Variants in EPHB1 observed in about 807,000 individuals in gnomAD.
The protein encoded by EPHB1 is EPH receptor B1.
A neutral mutation model predicts 94.4 loss-of-function variants in EPHB1; 30 were observed. That is an observed-to-expected ratio of 0.32 (90% CI 0.24 to 0.43). The LOEUF (loss-of-function observed/expected upper bound fraction) is 0.43, where lower values mean the gene tolerates loss of function less well. Ranked by LOEUF, EPHB1 falls within the 20% of genes least tolerant of loss-of-function variation. EPHB1 has a pLI of 1.00. For synonymous variants in EPHB1, 522 were observed against 489.1 expected (o/e 1.07, Z -0.89); for missense variants, 1,055 against 1,308.3 (o/e 0.81, Z 2.99).
chr3:134,815,788 G>A (rs1211588031), intron 1 of EPHB1, among the ~76,000 whole-genome samples: 1 of 152,142 alleles, frequency 6.6e-6, no homozygotes, highest in Admixed American at 6.5e-5. Context: ...GTTTTGACCT[G>A]GGGACATTTT....
chr3:134,814,728 C>G (rs567427269), intron 1 of EPHB1, among the ~76,000 whole-genome samples: 4 of 152,326 alleles, frequency 2.6e-5, no homozygotes, highest in Non-Finnish European at 5.9e-5. Context: ...AGGGAAGGCT[C>G]TGCATCTTGT....
intron 1 of EPHB1, among the ~76,000 whole-genome samples, chr3:134,804,244 T>C (rs924489311): frequency 2.0e-5 from 3 of 152,014 alleles, no homozygotes; most frequent in Non-Finnish European, 2.9e-5. Context: ...GTGAAAAGCA[T>C]TTCTTATATG....
chr3:135,009,977 A>G (rs1405175152), intron 3 of EPHB1, among the ~76,000 whole-genome samples: 4 of 152,238 alleles, frequency 2.6e-5, no homozygotes, highest in Non-Finnish European at 4.4e-5. Context: ...ATCCAGAGGA[A>G]ATCATTAACA....
At chr3:135,251,479 G>C (rs1285683265) in intron 15 of EPHB1, among the ~76,000 whole-genome samples, 1 of 152,188 alleles carries the variant, frequency 6.6e-6, no homozygotes, top group Non-Finnish European at 1.5e-5. Context: ...AAGATAAGGG[G>C]AAGACCAAAA....
intron 1 of EPHB1, among the ~76,000 whole-genome samples, chr3:134,861,799 T>C (rs1165370382): frequency 6.6e-6 from 1 of 152,014 alleles, no homozygotes; most frequent in Non-Finnish European, 1.5e-5. Flanking sequence ...GGTTGATAGG[T>C]GCAGCAAACC....
chr3:134,805,247 G>A (rs959795336), intron 1 of EPHB1, among the ~76,000 whole-genome samples: 7 of 152,298 alleles, frequency 4.6e-5, no homozygotes, highest in South Asian at 4.1e-4. Context: ...CCCATCCGGG[G>A]ATGCTCTCAG....
intron 4 of EPHB1, among the ~76,000 whole-genome samples, chr3:135,130,456 G>A (rs1197137277): frequency 6.6e-6 from 1 of 152,232 alleles, no homozygotes; most frequent in Admixed American, 6.5e-5. Context: ...AGGAAAGACA[G>A]TAAGTGTAGG....
chr3:135,169,060 C>T (rs1304806443), intron 9 of EPHB1, among the ~76,000 whole-genome samples: 1 of 152,148 alleles, frequency 6.6e-6, no homozygotes, highest in Middle Eastern at 3.2e-3. Flanking sequence ...TTCTCCTGCT[C>T]TCGAGGAGTA....
chr3:134,843,611 T>C (rs1300245950), intron 1 of EPHB1, among the ~76,000 whole-genome samples: 5 of 149,512 alleles, frequency 3.3e-5, no homozygotes, highest in African/African-American at 7.3e-5. Context: ...ATAATTTCCA[T>C]TGATCTATCT....
intron 10 of EPHB1, among the ~76,000 whole-genome samples, chr3:135,180,530 G>A (rs1432716892): frequency 6.6e-6 from 1 of 151,958 alleles, no homozygotes; most frequent in Non-Finnish European, 1.5e-5. Context: ...AAAATCTATG[G>A]TACAGCTGGT....
chr3:134,811,242 G>GTGTTTTTTT (rs750299099), intron 1 of EPHB1, among the ~76,000 whole-genome samples: 1 of 73,850 alleles, frequency 1.4e-5, no homozygotes, highest in Non-Finnish European at 2.7e-5. Context: ...TACTAAGAAG[G>GTGTTTTTTT]TTTTTTTTTT....
At chr3:134,993,467 A>G (rs978451381) in intron 3 of EPHB1, among the ~76,000 whole-genome samples, 2 of 152,180 alleles carry the variant, frequency 1.3e-5, no homozygotes, top group African/African-American at 4.8e-5. Context: ...ACAGGGATCA[A>G]TTGATCGGGG....
intron 12 of EPHB1, among the ~76,000 whole-genome samples, chr3:135,238,269 G>T (rs1317884103): frequency 6.6e-6 from 1 of 152,160 alleles, no homozygotes; most frequent in Non-Finnish European, 1.5e-5. Flanking sequence ...CTTCAGCTGA[G>T]CAGGAGAGCC....
chr3:135,250,195 A>G (rs1432219820), intron 15 of EPHB1, among the ~76,000 whole-genome samples: 1 of 152,204 alleles, frequency 6.6e-6, no homozygotes, highest in African/African-American at 2.4e-5. Flanking sequence ...TCATATTAGC[A>G]TTATAAAGGC....
intron 12 of EPHB1, among the ~76,000 whole-genome samples, chr3:135,219,807 G>C (rs1312730072): frequency 6.6e-6 from 1 of 152,154 alleles, no homozygotes; most frequent in East Asian, 1.9e-4. Flanking sequence ...TAAGAGTCCT[G>C]TGCATTGTTA....
At chr3:135,190,409 T>C (rs1423342053) in intron 10 of EPHB1, among the ~76,000 whole-genome samples, 1 of 152,230 alleles carries the variant, frequency 6.6e-6, no homozygotes, top group African/African-American at 2.4e-5. Context: ...TAACCAATAT[T>C]CTTCCATTAG....
intron 5 of EPHB1, among the ~76,000 whole-genome samples, chr3:135,139,611 A>G (rs953516943): frequency 1.1e-4 from 16 of 152,200 alleles, no homozygotes; most frequent in Admixed American, 1.0e-3. Flanking sequence ...GACAGCACTC[A>G]CTGAGACTGG....
chr3:135,203,295 A>C (rs1942805904), intron 12 of EPHB1, among the ~76,000 whole-genome samples: 1 of 152,176 alleles, frequency 6.6e-6, no homozygotes, highest in East Asian at 1.9e-4. Context: ...TTCCTAATGC[A>C]TTCAGGGCTT....
chr3:135,206,712 G>A (rs1453928877), intron 12 of EPHB1, among the ~76,000 whole-genome samples: 1 of 152,128 alleles, frequency 6.6e-6, no homozygotes, highest in East Asian at 1.9e-4. Context: ...AGCTAGGTTT[G>A]GTGACTCATG....
Sources: allele counts gnomAD v4.1 joint callset (sites outside exome capture counted in the v4.1 genomes callset), GRCh38; gene constraint gnomAD v4.1.1; transcripts MANE v1.5; gene names NCBI Gene and HGNC (gene_info 2026-07-23, HGNC 2026-07-21).